Variants in MEGF6 observed in about 807,000 individuals in gnomAD.
MEGF6 encodes the protein multiple EGF like domains 6.
In MEGF6, 184 loss-of-function variants were observed where a neutral mutation model predicts 207.1. The observed-to-expected ratio is 0.89, with a 90% CI of 0.79 to 1.00. MEGF6 has a LOEUF of 1.00. Ranked by LOEUF, MEGF6 falls within the 50% of genes least tolerant of loss-of-function variation. The probability of loss-of-function intolerance (pLI) is 0.00; values close to 1 mark genes in which losing one functional copy is unlikely to be tolerated. For missense variants in MEGF6, 2,282 were observed against 2,202.9 expected, an observed-to-expected ratio of 1.04 and a Z score of -0.72; for synonymous variants, 1,038 against 910.0, an observed-to-expected ratio of 1.14 and a Z score of -2.53.
In MEGF6 at chr1:3,512,054, C is replaced by A. The variant is rs186311246; in HGVS notation, c.928G>T (p.Val310Leu). 3 of 1,612,682 alleles carry A rather than the reference C, an allele frequency of 1.9e-6. No homozygotes were observed. The highest frequency in any genetic ancestry group is 1.7e-5 in the Admixed American group (1 of 59,988). Reference sequence around the variant, plus strand: ...CCCAGCTCATAGCCCGCGTGACACACGCACTTGAAGGACCCCTGGGTGTTG... The same window carrying A: ...CCCAGCTCATAGCCCGCGTGACACAAGCACTTGAAGGACCCCTGGGTGTTG... ...CLNTQGSFKC[V>L]CHAGYELGAD... is the part of the protein sequence containing the mutation. Residue 310 changes from valine to leucine, a missense_variant, in exon 8 of 37, where the codon GTG becomes TTG. Transcript: ENST00000356575.
At position 3,501,399 on chromosome 1, in the gene MEGF6, C is replaced by G. The variant is rs934458055; in HGVS notation, c.2315-91G>C. On this transcript the variant is annotated intron_variant, in intron 18 of 36. Transcript: ENST00000356575. The stretch of plus-strand genomic sequence containing the variant: ...GGCACGATGCCCCTGGAGCCACGGC[C>G]GAGGAGGTGGAACCACTGTTACCAT... The G allele has an allele frequency of 1.1e-5, 16 of 1,469,798 alleles. No individual in the cohort carries two copies. The Admixed American group carries it at 3.1e-4, about 29-fold the overall frequency. 91.0% of individuals were successfully genotyped at this position (1,469,798 alleles called of 1,614,324 possible).
intron 4 of MEGF6, among the ~76,000 whole-genome samples, chr1:3,540,617 C>T (rs1391179532): frequency 6.6e-6 from 1 of 152,230 alleles, no homozygotes; most frequent in East Asian, 1.9e-4. Context: ...ATTTACAAAC[C>T]CCTGGATGTA....
At chr1:3,533,168 G>T (rs941466622) in intron 4 of MEGF6, among the ~76,000 whole-genome samples, 3 of 152,218 alleles carry the variant, frequency 2.0e-5, no homozygotes, top group Non-Finnish European at 4.4e-5. Flanking sequence ...AAGGGCTGAG[G>T]GGCCATCCTT....
intron 2 of MEGF6, 137 bp from the exon 3 acceptor site, chr1:3,595,584 T>C: frequency 1.4e-6 from 1 of 690,452 alleles, no homozygotes; most frequent in South Asian, 1.8e-5. Context: ...GGTTCCTGGG[T>C]GGGGTGGCTG....
chr1:3,528,231 T>C (rs1431824557), intron 4 of MEGF6, among the ~76,000 whole-genome samples: 3 of 152,176 alleles, frequency 2.0e-5, no homozygotes, highest in African/African-American at 2.4e-5. Flanking sequence ...CCCTTTGAAC[T>C]GAGCAAATCC....
At chr1:3,496,900 T>C (rs1261753982) in intron 28 of MEGF6, 88 bp downstream of exon 28, 10 of 1,526,062 alleles carry the variant, frequency 6.6e-6, no homozygotes, top group Non-Finnish European at 7.9e-6. Flanking sequence ...CCCCCTCAGA[T>C]GAGGGCCTTC....
At chr1:3,493,143 GC>G (rs1640443009) in intron 34 of MEGF6, 1 of 285,636 alleles carries the variant, frequency 3.5e-6, no homozygotes, top group Non-Finnish European at 6.7e-6. Flanking sequence ...CAGCAGGTGA[GC>G]CCCTCCTATC....
At chr1:3,536,914 C>A (rs1642348521) in intron 4 of MEGF6, among the ~76,000 whole-genome samples, 1 of 152,390 alleles carries the variant, frequency 6.6e-6, no homozygotes, top group South Asian at 2.1e-4. Context: ...TGTGTCTGTC[C>A]CTCAGTGCTC....
In MEGF6 at chr1:3,499,649, A is replaced by C; in HGVS notation, c.2904T>G (p.Cys968Trp). ...AGAGGCAGGAGCCATTCACGGCATC[A>C]CAGGCAGCTCCGGCGGTGCAGTTGC... The part of the protein sequence containing the change: ...SACNCTAGAA[C>W]DAVNGSCLCP... The change falls in exon 23 of 37, where the codon TGT (cysteine) becomes TGG (tryptophan). Residue 968 changes from cysteine to tryptophan, a missense_variant. Physicochemically the swap from Cys to Trp is radical, Grantham distance 215. Transcript: ENST00000356575. The C allele has an allele frequency of 6.3e-7, 1 of 1,595,672 alleles. No homozygotes were observed. The highest frequency in any genetic ancestry group is 2.3e-5 in the East Asian group (1 of 44,096).
At chr1:3,496,957 G>A (rs865942666) in intron 28 of MEGF6, 31 bp downstream of exon 28, 61 of 1,544,958 alleles carry the variant, frequency 3.9e-5, no homozygotes, top group Middle Eastern at 3.6e-4. Flanking sequence ...CAGCACTGCC[G>A]AGTCCCTGGG....
rs1444925840 is a variant in MEGF6, at chr1:3,514,402, G to A, written c.853+148C>T. On this transcript the variant is annotated intron_variant, in intron 7 of 36. Coordinates refer to ENST00000356575, the MANE Select transcript of MEGF6 (RefSeq NM_001409.4). ...AGCCCCCAGCAAGGGAGATGAGACCGCCACATCCCAGGTCACCCAAGGGGG... is the reference window on the plus strand; with the variant it reads ...AGCCCCCAGCAAGGGAGATGAGACCACCACATCCCAGGTCACCCAAGGGGG... The A allele has an allele frequency of 3.6e-5, 37 of 1,032,246 alleles. 1 individual carries two copies. In the Middle Eastern group the frequency reaches 9.3e-4, roughly 26 times the overall value. The allele number at this position is 1,032,246 out of a possible 1,614,324, so 63.9% of individuals were successfully genotyped here.
At chr1:3,498,889 T>C in intron 24 of MEGF6, 63 bp from the exon 25 acceptor site, 3 of 1,530,390 alleles carry the variant, frequency 2.0e-6, no homozygotes, top group Middle Eastern at 2.0e-4. Flanking sequence ...AGGGTCTGTC[T>C]GGCTTTCCAG....
intron 4 of MEGF6, among the ~76,000 whole-genome samples, chr1:3,557,287 T>A (rs1056552911): frequency 2.6e-5 from 4 of 152,216 alleles, no homozygotes; most frequent in Non-Finnish European, 4.4e-5. Context: ...ATTACACTTC[T>A]AACCATTTGT....
rs568392946 is a variant in MEGF6 at position 3,577,005 on chromosome 1, T to C, written c.481+2820A>G. On this transcript the variant is annotated intron_variant, in intron 4 of 36. Coordinates refer to ENST00000356575, the MANE Select transcript of MEGF6 (RefSeq NM_001409.4). ...TGCCCAGCCCTGCACACTCCACCCC[T>C]GCACACCTGGCCCTGCACACTCCAC... is the stretch of plus-strand genomic sequence containing the variant. Among the ~76,000 whole-genome samples, 497 of 120,530 alleles carry C rather than the reference T, an allele frequency of 4.1e-3. 4 individuals carry two copies. The highest frequency in any genetic ancestry group is 0.015 in the African/African-American group (456 of 30,360). The allele number at this position is 120,530 out of a possible 152,430, so 79.1% of individuals were successfully genotyped here.
At chr1:3,592,289 G>A (rs1173551924) in intron 3 of MEGF6, among the ~76,000 whole-genome samples, 2 of 152,164 alleles carry the variant, frequency 1.3e-5, no homozygotes, top group Admixed American at 6.5e-5. Context: ...CTCGTGGTGT[G>A]GGGAGGTCCA....
intron 4 of MEGF6, among the ~76,000 whole-genome samples, chr1:3,555,901 A>T (rs1643018303): frequency 6.6e-6 from 1 of 152,264 alleles, no homozygotes; most frequent in Admixed American, 6.5e-5. Context: ...AGTGCCCCAA[A>T]TAAGTCTCCA....
At chr1:3,551,982 TC>T (rs1360752866) in intron 4 of MEGF6, among the ~76,000 whole-genome samples, 1 of 152,036 alleles carries the variant, frequency 6.6e-6, no homozygotes, top group African/African-American at 2.4e-5. Flanking sequence ...ACATCAGCAA[TC>T]CCAGCCCCTT....
At position 3,490,903 on chromosome 1, in the gene MEGF6, A is replaced by T; in HGVS notation, c.4564+9T>A. The T allele has an allele frequency of 6.3e-7, 1 of 1,584,004 alleles. No individual in the cohort carries two copies. Among genetic ancestry groups the T allele is most frequent in the Non-Finnish European group, 8.6e-7 (1 of 1,165,004 alleles). ...TGGCAAGCCCACGGGCATTCCCCAC[A>T]CCCCTTACCTGAGCCCTGGGCTAAG... On this transcript the variant is annotated intron_variant, in intron 36 of 36. Transcript: ENST00000356575.
At chr1:3,546,920 G>C (rs920484925) in intron 4 of MEGF6, 2 of 168,000 alleles carry the variant, frequency 1.2e-5, no homozygotes, top group Non-Finnish European at 2.6e-5. Flanking sequence ...GGGCTGGGAA[G>C]GGGGCTGCCA....
Sources: allele counts gnomAD v4.1 joint callset (sites outside exome capture counted in the v4.1 genomes callset), GRCh38; gene constraint gnomAD v4.1.1; transcripts MANE v1.5; gene names NCBI Gene and HGNC (gene_info 2026-07-23, HGNC 2026-07-21).